HMGB1: variants seen among roughly 807,000 people sequenced by gnomAD.
The protein encoded by HMGB1 is high mobility group box 1, also known as high mobility group protein B1.
For missense variants in HMGB1, 79 were observed against 253.5 expected (o/e 0.31, Z 4.67); for synonymous variants, 81 against 84.0 (o/e 0.96, Z 0.19).
intron 1 of HMGB1, among the ~76,000 whole-genome samples, chr13:30,580,712 C>T (rs538938891): frequency 1.6e-4 from 25 of 152,086 alleles, no homozygotes; most frequent in Non-Finnish European, 2.9e-4. Context: ...ATGCCTTGCA[C>T]GTAACAGACA....
intron 1 of HMGB1, among the ~76,000 whole-genome samples, chr13:30,575,496 A>G (rs1593321368): frequency 6.6e-6 from 1 of 152,150 alleles, no homozygotes; most frequent in Non-Finnish European, 1.5e-5. Context: ...TAGATACTCA[A>G]TACATACTCC....
chr13:30,503,964 C>G (rs999379669), intron 1 of HMGB1, among the ~76,000 whole-genome samples: 1 of 151,902 alleles, frequency 6.6e-6, no homozygotes, highest in African/African-American at 2.4e-5. Flanking sequence ...TACCTACATA[C>G]ATACAGAAAT....
rs398022159 is a variant in HMGB1 at position 30,458,331 on chromosome 13, G to GT, written c.*3025dup. On this transcript the variant is annotated 3_prime_UTR_variant, in exon 5 of 5. Transcript: ENST00000341423. ...TTCAAAAACCAGTTGTCTCTCCTGTGTTTTTTTTTTTTTTTTGAGATGGAG... is the reference window on the plus strand; with the variant it reads ...TTCAAAAACCAGTTGTCTCTCCTGTGTTTTTTTTTTTTTTTTTGAGATGGAG... The GT allele has an allele frequency of 0.87, 119,686 of 137,122 alleles. 54,417 individuals carry two copies. The highest frequency in any genetic ancestry group is 0.98 in the Non-Finnish European group (64,048 of 65,200). 8.5% of individuals were successfully genotyped at this position (137,122 alleles called of 1,614,324 possible).
chr13:30,568,004 A>G (rs930505654), intron 1 of HMGB1, among the ~76,000 whole-genome samples: 1 of 152,194 alleles, frequency 6.6e-6, no homozygotes, highest in Admixed American at 6.5e-5. Flanking sequence ...ATTAATTTCA[A>G]TGGTCCCATG....
chr13:30,524,694 T>A (rs1407090247), intron 1 of HMGB1, among the ~76,000 whole-genome samples: 3 of 55,186 alleles, frequency 5.4e-5, no homozygotes, highest in Non-Finnish European at 5.3e-5. Context: ...AAAAATAAAA[T>A]AAAATAAATA....
chr13:30,564,515 G>A (rs1566026690), intron 1 of HMGB1, among the ~76,000 whole-genome samples: 1 of 152,032 alleles, frequency 6.6e-6, no homozygotes, highest in Non-Finnish European at 1.5e-5. Flanking sequence ...TGTGCTTGGA[G>A]AGATCTGTTT....
intron 1 of HMGB1, among the ~76,000 whole-genome samples, chr13:30,593,270 C>T (rs1303440801): frequency 6.6e-6 from 1 of 152,140 alleles, no homozygotes; most frequent in Non-Finnish European, 1.5e-5. Context: ...GCATGTCAGC[C>T]TCTGATTATC....
intron 1 of HMGB1, among the ~76,000 whole-genome samples, chr13:30,563,178 G>A (rs147849876): frequency 0.011 from 1,640 of 152,290 alleles, 30 homozygotes; most frequent in African/African-American, 0.036. Flanking sequence ...AGGTCAAATC[G>A]ATTTCTGCAT....
At chr13:30,585,769 T>C (rs972583862) in intron 1 of HMGB1, among the ~76,000 whole-genome samples, 1 of 152,302 alleles carries the variant, frequency 6.6e-6, no homozygotes, top group East Asian at 1.9e-4. Flanking sequence ...GGTTTATGAC[T>C]AACTACTAGC....
intron 1 of HMGB1, among the ~76,000 whole-genome samples, chr13:30,536,224 T>C (rs888359579): frequency 1.3e-4 from 20 of 152,348 alleles, no homozygotes; most frequent in African/African-American, 4.8e-4. Context: ...TTTAAAATTA[T>C]CAAAACAACA....
rs1323631996 is a variant in HMGB1, at chr13:30,460,721, C to G, written c.*636G>C. The G allele has an allele frequency of 6.5e-6, 1 of 152,900 alleles. No individual in the cohort carries two copies. Among genetic ancestry groups the G allele is most frequent in the Non-Finnish European group, 1.5e-5 (1 of 68,352 alleles). 9.5% of individuals were successfully genotyped at this position (152,900 alleles called of 1,614,324 possible). On this transcript the variant is annotated 3_prime_UTR_variant, in exon 5 of 5. Transcript: ENST00000341423. The stretch of plus-strand genomic sequence containing the variant: ...CAGTTATGGATGAAAACTATCTCAA[C>G]TTAACTTTACCCCCATTATGATATG...
chr13:30,471,626 A>C (rs1451187622), intron 1 of HMGB1, among the ~76,000 whole-genome samples: 3 of 112,774 alleles, frequency 2.7e-5, no homozygotes, highest in Non-Finnish European at 5.2e-5. Flanking sequence ...AAGTGCTGGG[A>C]TTACAGGCAT....
intron 1 of HMGB1, among the ~76,000 whole-genome samples, chr13:30,465,584 AG>A (rs1324693485): frequency 1.3e-5 from 2 of 150,060 alleles, no homozygotes; most frequent in Admixed American, 1.3e-4. Flanking sequence ...CCGGCGCCTC[AG>A]GCTGCCTGAG....
intron 1 of HMGB1, among the ~76,000 whole-genome samples, chr13:30,571,520 T>C (rs1274538857): frequency 6.6e-6 from 1 of 152,164 alleles, no homozygotes; most frequent in Non-Finnish European, 1.5e-5. Context: ...GGTCTTGAAC[T>C]CCTGACCTTG....
intron 1 of HMGB1, chr13:30,542,307 T>A: frequency 5.9e-6 from 1 of 170,460 alleles, no homozygotes. Context: ...AGGCTCCGTC[T>A]CATCCTCACT....
chr13:30,507,902 C>G (rs944157209), intron 1 of HMGB1, among the ~76,000 whole-genome samples: 5 of 152,018 alleles, frequency 3.3e-5, no homozygotes, highest in African/African-American at 1.2e-4. Context: ...AAGGCTGAAT[C>G]GGGAGGATCG....
intron 3 of HMGB1, 89 bp downstream of exon 3, chr13:30,463,118 C>A (rs1886463869): frequency 4.0e-6 from 5 of 1,250,568 alleles, no homozygotes; most frequent in Non-Finnish European, 5.7e-6. Context: ...TGTACATTTA[C>A]ACTCTAAACT....
chr13:30,511,518 C>T (rs1256485445), intron 1 of HMGB1, among the ~76,000 whole-genome samples: 1 of 152,160 alleles, frequency 6.6e-6, no homozygotes, highest in Non-Finnish European at 1.5e-5. Flanking sequence ...TTTTATATAG[C>T]CTGCAGAATC....
intron 1 of HMGB1, among the ~76,000 whole-genome samples, chr13:30,498,257 T>C (rs1887656334): frequency 6.6e-6 from 1 of 151,828 alleles, no homozygotes; most frequent in Admixed American, 6.6e-5. Flanking sequence ...GAGGTGGAGG[T>C]TGTAGTGAGC....
Sources: gnomAD v4.1 joint callset for allele counts (sites outside exome capture counted in the v4.1 genomes callset) on GRCh38, gnomAD v4.1.1 for gene constraint, MANE v1.5 for transcripts, NCBI Gene and HGNC (gene_info 2026-07-23, HGNC 2026-07-21) for gene names.